HS6ST1: variants seen among roughly 807,000 people sequenced by gnomAD.
The protein encoded by HS6ST1 is heparan sulfate 6-O-sulfotransferase 1, also known as heparan-sulfate 6-O-sulfotransferase 1.
Under a neutral mutation model 25.2 loss-of-function variants are expected in HS6ST1, and 3 were observed. The ratio of observed to expected loss-of-function variants is 0.12; its 90% CI spans 0.05 to 0.31. The LOEUF is 0.31. Among genes scored for constraint, HS6ST1 ranks in the 10% least tolerant of loss-of-function variants. The pLI, the probability that HS6ST1 is intolerant of heterozygous loss-of-function variation, is 1.00. For missense variants in HS6ST1, 310 were observed against 609.6 expected (o/e 0.51, Z 5.18); for synonymous variants, 204 against 275.1 (o/e 0.74, Z 2.56).
intron 1 of HS6ST1, among the ~76,000 whole-genome samples, chr2:128,301,370 C>A (rs1290843332): frequency 6.6e-6 from 1 of 152,130 alleles, no homozygotes; most frequent in African/African-American, 2.4e-5. Context: ...TGGCTCCAGG[C>A]TACCCTTCCT....
chr2:128,279,774 C>A (rs1161151059), intron 1 of HS6ST1, among the ~76,000 whole-genome samples: 2 of 152,202 alleles, frequency 1.3e-5, no homozygotes, highest in African/African-American at 4.8e-5. Context: ...CCAACCTGGG[C>A]AACAGAGCGA....
At chr2:128,307,415 T>C (rs113122768) in intron 1 of HS6ST1, among the ~76,000 whole-genome samples, 6,271 of 152,258 alleles carry the variant, frequency 0.041, 190 homozygotes, top group Non-Finnish European at 0.055. Context: ...AGCTGGAAGA[T>C]GGGATGTACC....
chr2:128,268,151 C>T lies in HS6ST1; in HGVS notation c.*11G>A, dbSNP rs754024280. On this transcript the variant is annotated 3_prime_UTR_variant, in exon 2 of 2. Coordinates refer to ENST00000259241, the MANE Select transcript of HS6ST1 (RefSeq NM_004807.3). The stretch of plus-strand genomic sequence containing the variant: ...ACCCCCCAAGAGGCCTCCCCGTGGC[C>T]ACCACCGCCACTACCACTTCTCAAT... 1.9e-5 allele frequency: 30 copies of T among 1,588,866 alleles called. No individual in the cohort carries two copies. Among genetic ancestry groups the T allele is most frequent in the Non-Finnish European group, 2.5e-5 (29 of 1,165,632 alleles).
At position 128,268,264 on chromosome 2, in the gene HS6ST1, A is replaced by G. The variant is rs761563052; in HGVS notation, c.1134T>C (p.Arg378=). The G allele has an allele frequency of 1.9e-6, 3 of 1,611,658 alleles. No homozygotes were observed. Among genetic ancestry groups the G allele is most frequent in the Non-Finnish European group, 2.5e-6 (3 of 1,179,578 alleles). ...REQRLRSREE[R]LLHRAKEALP... ...GTGCCTCCTTGGCCCGGTGCAGCAG[A>G]CGCTCCTCGCGGCTCCTCAGGCGCT... is the stretch of plus-strand genomic sequence containing the variant. The change falls in exon 2 of 2, where the codon CGT becomes CGC. Residue 378 remains arginine, a synonymous_variant. Transcript: ENST00000259241.
intron 1 of HS6ST1, among the ~76,000 whole-genome samples, chr2:128,299,632 T>C (rs575704569): frequency 5.9e-5 from 9 of 152,228 alleles, no homozygotes; most frequent in African/African-American, 1.4e-4. Flanking sequence ...ATCTCTGTCT[T>C]TGAAGGCCAC....
intron 1 of HS6ST1, among the ~76,000 whole-genome samples, chr2:128,273,306 C>G (rs1468928919): frequency 6.6e-6 from 1 of 152,228 alleles, no homozygotes; most frequent in African/African-American, 2.4e-5. Flanking sequence ...CCTGGGTCCC[C>G]TTGTTCTGTC....
At chr2:128,279,041 G>A (rs973779178) in intron 1 of HS6ST1, among the ~76,000 whole-genome samples, 3 of 152,150 alleles carry the variant, frequency 2.0e-5, no homozygotes, top group Non-Finnish European at 2.9e-5. Context: ...AAGCCTCCCC[G>A]CTGCATGGGA....
chr2:128,310,691 C>T (rs1244742944), intron 1 of HS6ST1, among the ~76,000 whole-genome samples: 1 of 152,192 alleles, frequency 6.6e-6, no homozygotes, highest in Admixed American at 6.5e-5. Context: ...CAGCCTCCAC[C>T]CTGGGTTGGG....
At chr2:128,288,590 C>T (rs115139990) in intron 1 of HS6ST1, among the ~76,000 whole-genome samples, 1,611 of 152,292 alleles carry the variant, frequency 0.011, 32 homozygotes, top group African/African-American at 0.037. Flanking sequence ...ATGCAACCCG[C>T]GCCAGGTGCC....
At chr2:128,274,323 A>G (rs1693658264) in intron 1 of HS6ST1, among the ~76,000 whole-genome samples, 1 of 152,192 alleles carries the variant, frequency 6.6e-6, no homozygotes, top group Non-Finnish European at 1.5e-5. Flanking sequence ...AAAAAAAACA[A>G]TACATAAATG....
intron 1 of HS6ST1, among the ~76,000 whole-genome samples, chr2:128,298,560 G>C (rs757298630): frequency 5.9e-5 from 9 of 152,170 alleles, no homozygotes; most frequent in Non-Finnish European, 1.3e-4. Flanking sequence ...AGCCAGTCGT[G>C]AAAAGACAGT....
In HS6ST1 at chr2:128,279,783, G is replaced by A. The variant is rs1693752087; in HGVS notation, c.528-10913C>T. Among the ~76,000 whole-genome samples, 2 of 152,166 alleles carry A rather than the reference G, an allele frequency of 1.3e-5. 1 individual carries two copies. The highest frequency in any genetic ancestry group is 4.1e-4 in the South Asian group (2 of 4,830). On this transcript the variant is annotated intron_variant, in intron 1 of 1. Coordinates refer to ENST00000259241, the MANE Select transcript of HS6ST1 (RefSeq NM_004807.3). ...TGCACTCCAACCTGGGCAACAGAGC[G>A]AGACTTTGTCTCTCAACAGAACAAA...
At chr2:128,285,866 C>CGTCTGCCCCAAAATA (rs1341243989) in intron 1 of HS6ST1, among the ~76,000 whole-genome samples, 1 of 152,210 alleles carries the variant, frequency 6.6e-6, no homozygotes, top group Non-Finnish European at 1.5e-5. Context: ...GGACAGGTGC[C>CGTCTGCCCCAAAATA]GTCTGCCCCA....
chr2:128,292,392 C>G (rs565268270), intron 1 of HS6ST1, among the ~76,000 whole-genome samples: 130 of 152,342 alleles, frequency 8.5e-4, no homozygotes, highest in African/African-American at 3.1e-3. Flanking sequence ...CCAACACCTT[C>G]TCAGGGCAGG....
At chr2:128,288,930 C>G (rs1395714464) in intron 1 of HS6ST1, among the ~76,000 whole-genome samples, 1 of 152,118 alleles carries the variant, frequency 6.6e-6, no homozygotes, top group Admixed American at 6.5e-5. Flanking sequence ...ATGTCAGGGT[C>G]CGAGGCAAAG....
chr2:128,304,337 A>G lies in HS6ST1; in HGVS notation c.527+13700T>C, dbSNP rs185382105. Among the ~76,000 whole-genome samples the G allele has an allele frequency of 5.9e-5, 9 of 152,286 alleles. No homozygotes were observed. In the East Asian group the frequency reaches 1.5e-3, roughly 26 times the overall value. On this transcript the variant is annotated intron_variant, in intron 1 of 1. Coordinates refer to ENST00000259241, the MANE Select transcript of HS6ST1 (RefSeq NM_004807.3). ...TCTTGAAGTGTGTCCGAGCCTTTAGAAACTGGGTCTCCCTGTGTGGGTGCT... is the reference window on the plus strand; with the variant it reads ...TCTTGAAGTGTGTCCGAGCCTTTAGGAACTGGGTCTCCCTGTGTGGGTGCT...
At chr2:128,303,235 T>C (rs906552546) in intron 1 of HS6ST1, among the ~76,000 whole-genome samples, 3 of 152,214 alleles carry the variant, frequency 2.0e-5, no homozygotes, top group African/African-American at 7.2e-5. Flanking sequence ...AAGAGGTGCT[T>C]TGCAGCATCA....
chr2:128,297,153 G>C (rs1694051132), intron 1 of HS6ST1, among the ~76,000 whole-genome samples: 1 of 152,184 alleles, frequency 6.6e-6, no homozygotes, highest in African/African-American at 2.4e-5. Context: ...ACAAAGCTAT[G>C]GTAGTCAAAT....
chr2:128,281,784 A>G (rs1365879685), intron 1 of HS6ST1, among the ~76,000 whole-genome samples: 1 of 152,240 alleles, frequency 6.6e-6, no homozygotes, highest in African/African-American at 2.4e-5. Context: ...CGGGGCCAGG[A>G]GGGCCTGGCA....
Sources: allele counts gnomAD v4.1 joint callset (sites outside exome capture counted in the v4.1 genomes callset), GRCh38; gene constraint gnomAD v4.1.1; transcripts MANE v1.5; gene names NCBI Gene and HGNC (gene_info 2026-07-23, HGNC 2026-07-21).